Variants in ANO2 observed in about 807,000 individuals in gnomAD.
The protein encoded by ANO2 is anoctamin 2, also known as anoctamin-2.
ANO2 carries 101 observed loss-of-function variants against 124.2 expected under a neutral mutation model. That is an observed-to-expected ratio of 0.81 (90% CI 0.69 to 0.96). ANO2 has a LOEUF of 0.96. Among genes scored for constraint, ANO2 ranks in the 40% least tolerant of loss-of-function variants. ANO2 has a pLI of 0.00. For synonymous variants in ANO2, 486 were observed against 482.5 expected (o/e 1.01, Z -0.09); for missense variants, 1,293 against 1,274.5 (o/e 1.01, Z -0.22).
intron 4 of ANO2, among the ~76,000 whole-genome samples, chr12:5,837,766 A>T (rs1055362063): frequency 6.6e-6 from 1 of 151,754 alleles, no homozygotes; most frequent in Non-Finnish European, 1.5e-5. Flanking sequence ...AGCAGGAAAG[A>T]TCCAAAATTG....
intron 12 of ANO2, chr12:5,741,044 T>C (rs1951078320): frequency 6.6e-6 from 1 of 152,430 alleles, no homozygotes; most frequent in Non-Finnish European, 1.5e-5. Flanking sequence ...TGCCCTATGT[T>C]CATGGCACCC....
chr12:5,876,248 C>A (rs943864351), intron 3 of ANO2, among the ~76,000 whole-genome samples: 5 of 152,046 alleles, frequency 3.3e-5, no homozygotes, highest in Non-Finnish European at 1.5e-5. Flanking sequence ...CTTATAAGAC[C>A]GTATTTCTCC....
At chr12:5,828,009 C>A (rs1419529850) in intron 6 of ANO2, among the ~76,000 whole-genome samples, 189 bp from the exon 7 acceptor site, 1 of 152,206 alleles carries the variant, frequency 6.6e-6, no homozygotes, top group Non-Finnish European at 1.5e-5. Flanking sequence ...TTTGAGGAAA[C>A]AAGGGATGTA....
chr12:5,682,859 A>C (rs1388637914), intron 14 of ANO2, among the ~76,000 whole-genome samples: 1 of 152,240 alleles, frequency 6.6e-6, no homozygotes, highest in Non-Finnish European at 1.5e-5. Flanking sequence ...ACAGATGCTC[A>C]TCTGGGTGGA....
chr12:5,921,285 T>C lies in ANO2; in HGVS notation c.289A>G (p.Arg97Gly). ...LSRMHFHDSQRKVDYVLAYHY... is the reference protein window; with the variant it reads ...LSRMHFHDSQGKVDYVLAYHY... ...TAGGCAAGTACATAGTCGACCTTCC[T>C]CTGACTGTCATGGAAGTGCATGCGG... The change falls in exon 3 of 25, where the codon AGG becomes GGG. Residue 97 changes from arginine (R) to glycine (G), a missense_variant. Arg to Gly is a moderately radical substitution (Grantham distance 125). Transcript: ENST00000682330. 6 of 1,613,972 alleles carry C rather than the reference T, an allele frequency of 3.7e-6. No individual in the cohort carries two copies. Among genetic ancestry groups the C allele is most frequent in the Non-Finnish European group, 5.1e-6 (6 of 1,179,890 alleles).
At chr12:5,578,258 A>G in intron 21 of ANO2, 108 bp downstream of exon 21, 1 of 1,466,476 alleles carries the variant, frequency 6.8e-7, no homozygotes. Flanking sequence ...CCCAAAGGGA[A>G]GAGGGGCTTT....
chr12:5,822,099 C>G (rs532697429), intron 7 of ANO2, among the ~76,000 whole-genome samples: 1 of 152,306 alleles, frequency 6.6e-6, no homozygotes, highest in African/African-American at 2.4e-5. Flanking sequence ...TCCCTAAGGA[C>G]AGCAGTGAAG....
chr12:5,682,530 G>A (rs1247667471), intron 14 of ANO2, among the ~76,000 whole-genome samples: 1 of 152,136 alleles, frequency 6.6e-6, no homozygotes, highest in African/African-American at 2.4e-5. Context: ...CGGGCTGCAG[G>A]CAAGGCTAAG....
intron 16 of ANO2, among the ~76,000 whole-genome samples, chr12:5,619,485 T>C (rs1232832950): frequency 6.6e-6 from 1 of 152,154 alleles, no homozygotes; most frequent in African/African-American, 2.4e-5. Context: ...GAGGCAGAGA[T>C]TGGCCAGGGG....
intron 14 of ANO2, among the ~76,000 whole-genome samples, chr12:5,682,423 T>G (rs1228554752): frequency 6.6e-6 from 1 of 151,308 alleles, no homozygotes; most frequent in Non-Finnish European, 1.5e-5. Context: ...AGGCAAAGGG[T>G]GGGGAATATG....
intron 20 of ANO2, 30 bp downstream of exon 20, chr12:5,599,454 C>T (rs888752779): frequency 6.3e-7 from 1 of 1,579,842 alleles, no homozygotes; most frequent in Non-Finnish European, 8.6e-7. Flanking sequence ...GAACCTGCCC[C>T]CAGTGGAAGG....
At chr12:5,873,335 C>T (rs745685543) in intron 3 of ANO2, among the ~76,000 whole-genome samples, 3 of 152,040 alleles carry the variant, frequency 2.0e-5, no homozygotes, top group Non-Finnish European at 2.9e-5. Context: ...GGCACTGTCA[C>T]TAGGCCGGCG....
intron 23 of ANO2, among the ~76,000 whole-genome samples, chr12:5,574,505 C>T (rs1591648117): frequency 6.6e-6 from 1 of 151,676 alleles, no homozygotes; most frequent in East Asian, 1.9e-4. Flanking sequence ...TTCCCTCTCC[C>T]TATCAATGTA....
At chr12:5,775,466 T>C (rs1327919431) in intron 10 of ANO2, among the ~76,000 whole-genome samples, 1 of 150,498 alleles carries the variant, frequency 6.6e-6, no homozygotes, top group Non-Finnish European at 1.5e-5. Context: ...CAATCCTTTT[T>C]TTTTTTTTTT....
chr12:5,649,504 T>A (rs1319013693), intron 14 of ANO2, among the ~76,000 whole-genome samples: 2 of 152,200 alleles, frequency 1.3e-5, no homozygotes, highest in African/African-American at 4.8e-5. Flanking sequence ...TCATTCATAT[T>A]CTTCCAGATA....
intron 19 of ANO2, among the ~76,000 whole-genome samples, chr12:5,609,536 A>G (rs1944381063): frequency 6.6e-6 from 1 of 152,202 alleles, no homozygotes; most frequent in Non-Finnish European, 1.5e-5. Context: ...TTATAACTTT[A>G]GCTCTACAAA....
In ANO2 at chr12:5,904,077, C is replaced by T. The variant is rs995342029; in HGVS notation, c.534+16963G>A. Among the ~76,000 whole-genome samples, 1 of 152,220 alleles carries T rather than the reference C, an allele frequency of 6.6e-6. No individual in the cohort carries two copies. The highest frequency in any genetic ancestry group is 2.4e-5 in the African/African-American group (1 of 41,458). Reference sequence around the variant, plus strand: ...CTGACCTCCCCAAATGTGCCCACCACATGATCATCCCCTCTTTCTTCATCC... The same window carrying T: ...CTGACCTCCCCAAATGTGCCCACCATATGATCATCCCCTCTTTCTTCATCC... On this transcript the variant is annotated intron_variant, in intron 3 of 24. Transcript: ENST00000682330. The surrounding 1 kb of genome is among the most constrained non-coding windows in gnomAD (Gnocchi z 4.1).
chr12:5,877,009 A>G (rs1938149506), intron 3 of ANO2, among the ~76,000 whole-genome samples: 1 of 152,208 alleles, frequency 6.6e-6, no homozygotes, highest in Admixed American at 6.5e-5. Context: ...ACATTCTTTC[A>G]TCAATTCCCA....
chr12:5,893,555 T>C (rs1050103718), intron 3 of ANO2, among the ~76,000 whole-genome samples: 6 of 151,720 alleles, frequency 4.0e-5, no homozygotes, highest in African/African-American at 1.5e-4. Flanking sequence ...GTTTGTTACA[T>C]AGGTATACAC....
Sources: allele counts gnomAD v4.1 joint callset (sites outside exome capture counted in the v4.1 genomes callset), GRCh38; gene constraint gnomAD v4.1.1; non-coding constraint Gnocchi (gnomAD v3.1); transcripts MANE v1.5; gene names NCBI Gene and HGNC (gene_info 2026-07-23, HGNC 2026-07-21).